Variants in PDE12 observed in about 807,000 individuals in gnomAD.
PDE12 encodes 2',5'-phosphodiesterase 12.
Under a neutral mutation model 45.4 loss-of-function variants are expected in PDE12, and 26 were observed. That is an observed-to-expected ratio of 0.57 (90% CI 0.42 to 0.79). The LOEUF is 0.79. Ranked by LOEUF, PDE12 falls within the 30% of genes least tolerant of loss-of-function variation. The pLI is 0.00. For synonymous variants in PDE12, 283 were observed against 323.9 expected, an observed-to-expected ratio of 0.87 and a Z score of 1.36; for missense variants, 668 against 790.0, an observed-to-expected ratio of 0.85 and a Z score of 1.85.
the PDE12 span, among the ~76,000 whole-genome samples, chr3:57,607,044 G>A: frequency 6.6e-6 from 1 of 152,142 alleles, no homozygotes; most frequent in Admixed American, 6.5e-5. Flanking sequence ...CCTCTGAGAC[G>A]AAGCTTCCAG....
chr3:57,558,576 C>A (rs2069691452), intron 1 of PDE12, among the ~76,000 whole-genome samples: 1 of 152,114 alleles, frequency 6.6e-6, no homozygotes, highest in Non-Finnish European at 1.5e-5. Context: ...CCGCAACTTC[C>A]GCCTCCCGGG....
the PDE12 span, among the ~76,000 whole-genome samples, chr3:57,601,197 C>A: frequency 6.6e-6 from 1 of 152,048 alleles, no homozygotes; most frequent in Non-Finnish European, 1.5e-5. Context: ...GTAGCCTCTG[C>A]CTCCTGGGTT....
chr3:57,602,999 T>G, the PDE12 span, among the ~76,000 whole-genome samples: 4 of 152,054 alleles, frequency 2.6e-5, no homozygotes, highest in South Asian at 4.2e-4. Flanking sequence ...AAACCCCGTC[T>G]CTACTAAAAA....
the PDE12 span, chr3:57,628,095 A>T: frequency 2.8e-6 from 4 of 1,422,940 alleles, no homozygotes; most frequent in Non-Finnish European, 3.8e-6. Flanking sequence ...CCCTGTAACT[A>T]GCATTCATGG....
chr3:57,627,131 A>C, the PDE12 span: 1 of 152,110 alleles, frequency 6.6e-6, no homozygotes, highest in Non-Finnish European at 1.5e-5. Context: ...TAATATTTAA[A>C]TTAGTATTTA....
rs891502276 is a variant in PDE12 at position 57,557,586 on chromosome 3, G to C, written c.1207G>C (p.Glu403Gln). ...TAGCCAGCATGACATTTCATTCTAC[G>C]AAGCCCTCGAGTCCGACCCACTTCA... Reference protein sequence around the residue: ...LLSQHDISFYEALESDPLHKE... With the variant: ...LLSQHDISFYQALESDPLHKE... Residue 403 changes from glutamate (E) to glutamine (Q), a missense_variant, in exon 1 of 3, where the codon GAA becomes CAA. Coordinates refer to ENST00000311180, the MANE Select transcript of PDE12 (RefSeq NM_177966.7). 1.9e-6 allele frequency: 3 copies of C among 1,613,972 alleles called. No homozygotes were observed. Among genetic ancestry groups the C allele is most frequent in the African/African-American group, 1.3e-5 (1 of 74,888 alleles).
chr3:57,574,906 T>A, the PDE12 span, among the ~76,000 whole-genome samples: 1 of 149,568 alleles, frequency 6.7e-6, no homozygotes, highest in African/African-American at 2.5e-5. Context: ...TGGAGTGCAG[T>A]GGCGCGATCG....
chr3:57,611,592 C>G, the PDE12 span, among the ~76,000 whole-genome samples: 1 of 152,188 alleles, frequency 6.6e-6, no homozygotes, highest in Non-Finnish European at 1.5e-5. Context: ...ACAGACACTT[C>G]TCAAAAGAAG....
chr3:57,559,439 A>G (rs767890918), intron 2 of PDE12, 51 bp downstream of exon 2: 4 of 1,549,338 alleles, frequency 2.6e-6, no homozygotes, highest in Non-Finnish European at 2.6e-6. Flanking sequence ...AAAGTTGTTT[A>G]AAGTGTTTTA....
chr3:57,610,754 G>C, the PDE12 span, among the ~76,000 whole-genome samples: 1 of 152,072 alleles, frequency 6.6e-6, no homozygotes, highest in African/African-American at 2.4e-5. Context: ...ACAAATGGAA[G>C]AACATTCCAT....
At chr3:57,609,153 TGAA>T in the PDE12 span, among the ~76,000 whole-genome samples, 2 of 152,038 alleles carry the variant, frequency 1.3e-5, no homozygotes, top group African/African-American at 4.8e-5. Flanking sequence ...CATAGCAAAA[TGAA>T]GGCAGAAATA....
the PDE12 span, among the ~76,000 whole-genome samples, chr3:57,634,207 C>A: frequency 6.6e-6 from 1 of 151,682 alleles, no homozygotes; most frequent in Non-Finnish European, 1.5e-5. Flanking sequence ...CCGAGGTGGG[C>A]GTATCACTTA....
the PDE12 span, among the ~76,000 whole-genome samples, chr3:57,576,804 C>T: frequency 6.6e-6 from 1 of 152,074 alleles, no homozygotes; most frequent in African/African-American, 2.4e-5. Context: ...GTGAACCAAA[C>T]ATTTGTCTCT....
chr3:57,575,432 T>C, the PDE12 span: 2 of 1,027,740 alleles, frequency 1.9e-6, no homozygotes, highest in Non-Finnish European at 2.6e-6. Context: ...AAATAAATGA[T>C]GTGCTCATTA....
the PDE12 span, among the ~76,000 whole-genome samples, chr3:57,615,006 G>A: frequency 6.8e-6 from 1 of 146,530 alleles, no homozygotes; most frequent in Non-Finnish European, 1.5e-5. Flanking sequence ...AAAAAAAAAA[G>A]TTTTTTTTAT....
chr3:57,631,785 C>G, the PDE12 span, among the ~76,000 whole-genome samples: 4 of 135,174 alleles, frequency 3.0e-5, no homozygotes, highest in Non-Finnish European at 6.1e-5. Context: ...TGCAGTGGCG[C>G]TATCCCGGCT....
At chr3:57,572,859 G>A in the PDE12 span, among the ~76,000 whole-genome samples, 4 of 152,050 alleles carry the variant, frequency 2.6e-5, no homozygotes, top group East Asian at 5.8e-4. Context: ...TATAACTCTC[G>A]TTTCCCATAA....
chr3:57,609,788 C>T, the PDE12 span, among the ~76,000 whole-genome samples: 4 of 152,206 alleles, frequency 2.6e-5, no homozygotes, highest in Admixed American at 6.5e-5. Flanking sequence ...GATTCACAGC[C>T]GAATTCTACC....
downstream of PDE12, among the ~76,000 whole-genome samples, chr3:57,570,884 C>A (rs548370754): frequency 4.9e-4 from 75 of 152,276 alleles, 1 homozygote; most frequent in South Asian, 9.7e-3. Context: ...CTAAAAAACA[C>A]ATACATACAT....
Sources: allele counts gnomAD v4.1 joint callset (sites outside exome capture counted in the v4.1 genomes callset), GRCh38; gene constraint gnomAD v4.1.1; transcripts MANE v1.5; gene names NCBI Gene and HGNC (gene_info 2026-07-23, HGNC 2026-07-21).